The following GLB1L3 variants were observed in gnomAD, a reference collection of about 807,000 sequenced individuals.
GLB1L3 encodes the protein beta-galactosidase-1-like protein 3.
In GLB1L3, 89 loss-of-function variants were observed where a neutral mutation model predicts 89.5. That is an observed-to-expected ratio of 0.99 (90% confidence interval 0.84 to 1.19). The LOEUF (loss-of-function observed/expected upper bound fraction) is 1.19. Ranked by LOEUF, GLB1L3 falls within the 50% of genes most tolerant of loss-of-function variation. The probability of loss-of-function intolerance (pLI) is 0.00; values close to 1 mark genes in which losing one functional copy is unlikely to be tolerated. For synonymous variants in GLB1L3, 314 were observed against 312.3 expected (o/e 1.01, Z -0.06); for missense variants, 812 against 813.3 (o/e 1.00, Z 0.02).
the GLB1L3 span, among the ~76,000 whole-genome samples, chr11:134,324,840 AATG>A: frequency 8.5e-5 from 13 of 152,150 alleles, no homozygotes; most frequent in South Asian, 6.2e-4. Context: ...GCAATTCTAA[AATG>A]ATAAAAATTG....
chr11:134,294,722 C>T (rs907841943), intron 9 of GLB1L3, among the ~76,000 whole-genome samples: 2 of 152,196 alleles, frequency 1.3e-5, no homozygotes, highest in African/African-American at 2.4e-5. Context: ...TTCACATAAG[C>T]GCGCTCATGC....
At chr11:134,306,190 C>T (rs1023691065) in intron 9 of GLB1L3, among the ~76,000 whole-genome samples, 2 of 151,980 alleles carry the variant, frequency 1.3e-5, no homozygotes, top group African/African-American at 4.8e-5. Context: ...GGTTTACATG[C>T]CAAGCAAAAA....
In GLB1L3 at chr11:134,293,130, CTCTT is replaced by C. The variant is rs1565399478; in HGVS notation, c.812-14_812-11del. ...TGTCTCATGCCTCAGCTGGGTCTCT[CTCTT>C]CTTTATGCAGTGTTGGCCGCCATCA... On this transcript the variant is annotated splice_polypyrimidine_tract_variant and intron_variant, in intron 8 of 19. Transcript: ENST00000431683. 6.2e-7 allele frequency: 1 copy of C among 1,612,546 alleles called. No homozygotes were observed. Among genetic ancestry groups the C allele is most frequent in the Admixed American group, 1.7e-5 (1 of 60,016 alleles).
chr11:134,320,440 G>C (rs771242951), downstream of GLB1L3, among the ~76,000 whole-genome samples: 1 of 152,100 alleles, frequency 6.6e-6, no homozygotes, highest in Non-Finnish European at 1.5e-5. Context: ...TAATCATAAT[G>C]ATCTTGAGTA....
intron 9 of GLB1L3, among the ~76,000 whole-genome samples, chr11:134,296,982 C>CT (rs1941689384): frequency 6.6e-6 from 1 of 152,002 alleles, no homozygotes; most frequent in South Asian, 2.1e-4. Flanking sequence ...GATTTTCTGC[C>CT]TACTCATTCC....
At position 134,307,207 on chromosome 11, in the gene GLB1L3, G is replaced by T; in HGVS notation, c.960G>T (p.Lys320Asn). 6.2e-7 allele frequency: 1 copy of T among 1,610,358 alleles called. No homozygotes were observed. The highest frequency in any genetic ancestry group is 8.5e-7 in the Non-Finnish European group (1 of 1,177,042). ...ATAAGCACCATGTTAAAGATGCAAA[G>T]GGTGAGTGTTTTGCAGTGTTTGACT... ...WGDKHHVKDA[K>N]EVEHAVSEFI... Residue 320 changes from lysine to asparagine, a missense_variant and splice_region_variant, in exon 10 of 20, where the codon AAG becomes AAT. Transcript: ENST00000431683.
chr11:134,278,041 CAT>C, intron 3 of GLB1L3, 129 bp downstream of exon 3: 2 of 822,602 alleles, frequency 2.4e-6, no homozygotes, highest in Non-Finnish European at 3.9e-6. Context: ...CCAGCACATA[CAT>C]TTAATGCTTA....
intron 16 of GLB1L3, 109 bp from the exon 17 acceptor site, chr11:134,313,832 G>A (rs903036892): frequency 1.4e-6 from 1 of 732,172 alleles, no homozygotes; most frequent in Admixed American, 2.0e-5. Context: ...CCTCCTGGCT[G>A]TGCCCCTGTC....
In GLB1L3 at chr11:134,309,985, C is replaced by T. The variant is rs567624767; in HGVS notation, c.1099+222C>T. 29 of 573,000 alleles carry T rather than the reference C, an allele frequency of 5.1e-5. 1 individual carries two copies. The East Asian group carries it at 8.2e-4, about 16-fold the overall frequency. 35.5% of individuals were successfully genotyped at this position (573,000 alleles called of 1,614,324 possible). On this transcript the variant is annotated intron_variant, in intron 11 of 19. Transcript: ENST00000431683. ...CTTTCCGGGACTTAGAGCTCCGCTT[C>T]ACACATCTGGTATACTGCCCTGTTG... is the stretch of plus-strand genomic sequence containing the variant.
chr11:134,322,014 TAAAC>T (rs1163041572), downstream of GLB1L3, among the ~76,000 whole-genome samples: 3 of 152,166 alleles, frequency 2.0e-5, no homozygotes, highest in Non-Finnish European at 2.9e-5. Context: ...CGCTAAACTC[TAAAC>T]GGTAAAAATT....
At chr11:134,312,793 T>G in intron 14 of GLB1L3, 23 bp from the exon 15 acceptor site, 3 of 1,597,598 alleles carry the variant, frequency 1.9e-6, no homozygotes, top group Middle Eastern at 1.7e-4. Flanking sequence ...CCTAGCAGTC[T>G]GACGCCGGCT....
intron 2 of GLB1L3, 72 bp downstream of exon 2, chr11:134,277,523 G>C (rs1290473251): frequency 6.3e-7 from 1 of 1,580,860 alleles, no homozygotes; most frequent in South Asian, 1.1e-5. Flanking sequence ...ATAGTATCGC[G>C]AATATGCACA....
At position 134,307,132 on chromosome 11, in the gene GLB1L3, G is replaced by T; in HGVS notation, c.885G>T (p.Lys295Asn). 6.2e-7 allele frequency: 1 copy of T among 1,612,982 alleles called. No individual in the cohort carries two copies. The highest frequency in any genetic ancestry group is 8.5e-7 in the Non-Finnish European group (1 of 1,179,156). ...CTTTGGTTTGTTTTTAGAGAGATAA[G>T]CCCCTTCTGATTATGGAATACTGGG... is the stretch of plus-strand genomic sequence containing the variant. The part of the protein sequence containing the change: ...FNQLHKVQRD[K>N]PLLIMEYWVG... Residue 295 changes from lysine to asparagine, a missense_variant, in exon 10 of 20, where the codon AAG (lysine) becomes AAT (asparagine). This residue lies in a region of GLB1L3 where 618 missense variants were observed against 604.0 expected (regional missense o/e 1.02). Coordinates refer to ENST00000431683, the MANE Select transcript of GLB1L3 (RefSeq NM_001080407.3).
chr11:134,312,932 A>C, intron 15 of GLB1L3, 45 bp downstream of exon 15: 1 of 1,271,050 alleles, frequency 7.9e-7, no homozygotes, highest in Non-Finnish European at 1.1e-6. Flanking sequence ...CCCCCCTCAA[A>C]TGCAGACGGA....
At position 134,314,375 on chromosome 11, in the gene GLB1L3, C is replaced by T; in HGVS notation, c.1713C>T (p.Gly571=). 1.3e-6 allele frequency: 2 copies of T among 1,551,516 alleles called. No homozygotes were observed. The highest frequency in any genetic ancestry group is 1.7e-6 in the Non-Finnish European group (2 of 1,146,958). Residue 571 remains glycine, a synonymous_variant, in exon 18 of 20, where the codon GGC becomes GGT. Transcript: ENST00000431683. The stretch of plus-strand genomic sequence containing the variant: ...AGCCTGTCCCAGACAGCCACCAGGG[C>T]CCGGCCTTCTACTGTGGGACCTTGA... The part of the protein sequence containing the change: ...TWKPVPDSHQ[G]PAFYCGTLKA...
downstream of GLB1L3, among the ~76,000 whole-genome samples, chr11:134,323,381 A>G (rs980397706): frequency 1.8e-4 from 16 of 90,810 alleles, no homozygotes; most frequent in East Asian, 9.8e-4. Context: ...ATGCGTGCGC[A>G]CACACACACA....
At chr11:134,307,002 C>T (rs1335539555) in intron 9 of GLB1L3, 122 bp from the exon 10 acceptor site, 1 of 660,438 alleles carries the variant, frequency 1.5e-6, no homozygotes, top group Non-Finnish European at 2.6e-6. Context: ...AACGGGAAAG[C>T]TCTGAATTGG....
At chr11:134,308,533 T>TACC (rs1565414338) in intron 10 of GLB1L3, among the ~76,000 whole-genome samples, 3 of 23,376 alleles carry the variant, frequency 1.3e-4, no homozygotes, top group Middle Eastern at 0.021. Flanking sequence ...CCACCACCAC[T>TACC]ACCACCACCA....
At chr11:134,306,233 G>C (rs773878604) in intron 9 of GLB1L3, among the ~76,000 whole-genome samples, 2 of 152,156 alleles carry the variant, frequency 1.3e-5, no homozygotes, top group Non-Finnish European at 2.9e-5. Flanking sequence ...TAAAATATTG[G>C]ATAATAGGAA....
Sources: allele counts gnomAD v4.1 joint callset (sites outside exome capture counted in the v4.1 genomes callset), GRCh38; gene constraint gnomAD v4.1.1; regional missense constraint gnomAD v4.1.1; transcripts MANE v1.5; gene names NCBI Gene and HGNC (gene_info 2026-07-23, HGNC 2026-07-21).